Variants in CPQ observed in about 807,000 individuals in gnomAD.
CPQ encodes the protein carboxypeptidase Q, also known as Ser-Met dipeptidase.
CPQ carries 37 observed loss-of-function variants against 45.7 expected under a neutral mutation model. The ratio of observed to expected loss-of-function variants is 0.81; its 90% CI spans 0.62 to 1.07. CPQ has a LOEUF of 1.07. Ranked by LOEUF, CPQ falls within the 50% of genes least tolerant of loss-of-function variation. The pLI is 0.00. For missense variants in CPQ, 537 were observed against 572.9 expected, an observed-to-expected ratio of 0.94 and a Z score of 0.64; for synonymous variants, 186 against 205.8, an observed-to-expected ratio of 0.90 and a Z score of 0.82.
intron 6 of CPQ, among the ~76,000 whole-genome samples, chr8:97,057,161 G>A (rs73281775): frequency 0.13 from 19,373 of 151,998 alleles, 2,964 homozygotes; most frequent in African/African-American, 0.37. Context: ...GGACTTCCTA[G>A]GGCAAACAAA....
chr8:96,829,778 C>T (rs1382580455), intron 2 of CPQ, among the ~76,000 whole-genome samples: 1 of 152,098 alleles, frequency 6.6e-6, no homozygotes, highest in Admixed American at 6.6e-5. Flanking sequence ...TCATTTAGTG[C>T]TGTGACTGTT....
chr8:96,839,724 G>A (rs1811581461), intron 3 of CPQ, among the ~76,000 whole-genome samples: 1 of 152,142 alleles, frequency 6.6e-6, no homozygotes, highest in African/African-American at 2.4e-5. Context: ...CAAAAGAGAA[G>A]GGGGTAAGAA....
intron 1 of CPQ, among the ~76,000 whole-genome samples, chr8:96,688,125 C>T (rs1809257221): frequency 6.6e-6 from 1 of 151,552 alleles, no homozygotes; most frequent in Non-Finnish European, 1.5e-5. Flanking sequence ...TTCTGTATTA[C>T]TGGGTAATTA....
chr8:97,088,856 G>A (rs781538702), intron 7 of CPQ, among the ~76,000 whole-genome samples: 2 of 152,162 alleles, frequency 1.3e-5, no homozygotes, highest in African/African-American at 4.8e-5. Flanking sequence ...CACATATACA[G>A]GAAGAAAAGA....
chr8:96,906,290 T>A (rs1812576015), intron 4 of CPQ, among the ~76,000 whole-genome samples: 1 of 152,148 alleles, frequency 6.6e-6, no homozygotes, highest in Admixed American at 6.6e-5. Context: ...ACTTACCCTT[T>A]CCAAAATCAG....
intron 4 of CPQ, among the ~76,000 whole-genome samples, chr8:96,956,981 ACT>A (rs1489341331): frequency 1.3e-5 from 2 of 152,324 alleles, no homozygotes; most frequent in East Asian, 3.9e-4. Flanking sequence ...GCTCCTTGAC[ACT>A]CTGTCCTGCA....
intron 7 of CPQ, among the ~76,000 whole-genome samples, chr8:97,130,155 C>T (rs559943761): frequency 6.6e-6 from 1 of 152,190 alleles, no homozygotes; most frequent in South Asian, 2.1e-4. Flanking sequence ...GCCTTTTTAC[C>T]AGTTTAATTA....
rs138509825 is a variant in CPQ, at chr8:97,087,188, A to C, written c.1255+20978A>C. Among the ~76,000 whole-genome samples, 839 of 152,306 alleles carry C rather than the reference A, an allele frequency of 5.5e-3. 6 individuals are homozygous for C. Among genetic ancestry groups the C allele is most frequent in the African/African-American group, 0.019 (791 of 41,564 alleles). On this transcript the variant is annotated intron_variant, in intron 7 of 7. Transcript: ENST00000220763. ...ACAGGTGCCTGTTAACAACCACTTC[A>C]TAAATATTCAACAGGAGCATTCTGT...
intron 2 of CPQ, among the ~76,000 whole-genome samples, chr8:96,802,189 G>C (rs981345802): frequency 6.6e-6 from 1 of 151,612 alleles, no homozygotes; most frequent in African/African-American, 2.4e-5. Flanking sequence ...CTGGTTCATG[G>C]CCTCACCAAC....
chr8:97,102,192 G>T (rs750498439), intron 7 of CPQ, among the ~76,000 whole-genome samples: 12 of 152,066 alleles, frequency 7.9e-5, no homozygotes, highest in Non-Finnish European at 1.6e-4. Flanking sequence ...AAAGGAAAAC[G>T]GATGTATTTC....
intron 7 of CPQ, among the ~76,000 whole-genome samples, chr8:97,074,974 T>C (rs891159704): frequency 2.6e-4 from 40 of 152,212 alleles, no homozygotes; most frequent in African/African-American, 9.4e-4. Context: ...AAAACTCTCA[T>C]AGCTGATGCG....
intron 3 of CPQ, among the ~76,000 whole-genome samples, chr8:96,871,637 G>A (rs1812069351): frequency 6.6e-6 from 1 of 150,578 alleles, no homozygotes; most frequent in African/African-American, 2.4e-5. Context: ...CAGTTTAAGA[G>A]GGTGACTGTA....
In CPQ at chr8:96,985,732, TA is replaced by T. The variant is rs1163742341; in HGVS notation, c.961+19692del. The stretch of plus-strand genomic sequence containing the variant: ...TTTGTGTGTGTTTTCAAAGGCGTTG[TA>T]AAAAACAAAACAACATATAAATTTG... On this transcript the variant is annotated intron_variant, in intron 5 of 7. Transcript: ENST00000220763. 3.9e-5 allele frequency among the ~76,000 whole-genome samples: 6 copies of T among 152,292 alleles called. No individual in the cohort carries two copies. In the East Asian group the frequency reaches 9.6e-4, roughly 24 times the overall value.
intron 1 of CPQ, among the ~76,000 whole-genome samples, chr8:96,754,351 C>T (rs941714199): frequency 1.8e-4 from 28 of 152,014 alleles, no homozygotes; most frequent in African/African-American, 6.0e-4. Flanking sequence ...TTCAAGCACA[C>T]TCACAATAGA....
At chr8:97,045,667 G>T (rs1810241291) in intron 6 of CPQ, among the ~76,000 whole-genome samples, 1 of 152,120 alleles carries the variant, frequency 6.6e-6, no homozygotes, top group African/African-American at 2.4e-5. Flanking sequence ...TTATTTTCTG[G>T]GAGAGAGGCT....
chr8:96,839,349 C>T (rs1006820505), intron 3 of CPQ, among the ~76,000 whole-genome samples: 5 of 152,020 alleles, frequency 3.3e-5, no homozygotes, highest in African/African-American at 1.2e-4. Flanking sequence ...TGTTCTTGGG[C>T]TCAACTTTAC....
intron 6 of CPQ, among the ~76,000 whole-genome samples, chr8:97,060,599 C>T (rs531605908): frequency 9.2e-5 from 14 of 152,268 alleles, no homozygotes; most frequent in South Asian, 4.1e-4. Context: ...GCTGCTCAGC[C>T]TCCTCTTCTA....
At chr8:96,900,385 A>G (rs1812499005) in intron 4 of CPQ, among the ~76,000 whole-genome samples, 1 of 152,164 alleles carries the variant, frequency 6.6e-6, no homozygotes, top group African/African-American at 2.4e-5. Flanking sequence ...TGGTTGCAAG[A>G]GAAATCGTGG....
At chr8:96,845,183 A>T (rs1777540680) in intron 3 of CPQ, among the ~76,000 whole-genome samples, 1 of 151,782 alleles carries the variant, frequency 6.6e-6, no homozygotes, top group African/African-American at 2.4e-5. Flanking sequence ...TCTCCCTCAA[A>T]CTCTCTCACA....
Sources: allele counts gnomAD v4.1 joint callset (sites outside exome capture counted in the v4.1 genomes callset), GRCh38; gene constraint gnomAD v4.1.1; transcripts MANE v1.5; gene names NCBI Gene and HGNC (gene_info 2026-07-23, HGNC 2026-07-21).